TRAPPC9: variants seen among roughly 807,000 people sequenced by gnomAD.
TRAPPC9 encodes the protein trafficking protein particle complex subunit 9.
In TRAPPC9, 83 loss-of-function variants were observed where a neutral mutation model predicts 124.0. The ratio of observed to expected loss-of-function variants is 0.67; its 90% confidence interval spans 0.56 to 0.80. The LOEUF (loss-of-function observed/expected upper bound fraction) is 0.80. TRAPPC9 is among the 30% of genes least tolerant of loss of function. The pLI, the probability that TRAPPC9 is intolerant of heterozygous loss-of-function variation, is 0.00. For missense variants in TRAPPC9, 1,302 were observed against 1,508.3 expected (o/e 0.86, Z 2.27); for synonymous variants, 638 against 617.5 (o/e 1.03, Z -0.49).
rs765656679 is a variant in TRAPPC9, at chr8:140,018,324, A to ATTTTTTCTTTTTTTTTTTTTTTTT, written c.2699+5612_2699+5613insAAAAAAAAAAAAAAAAAGAAAAAA. 1.6e-4 allele frequency among the ~76,000 whole-genome samples: 19 copies of ATTTTTTCTTTTTTTTTTTTTTTTT among 119,778 alleles called. 2 individuals carry two copies. Among genetic ancestry groups the ATTTTTTCTTTTTTTTTTTTTTTTT allele is most frequent in the African/African-American group, 5.5e-4 (17 of 30,668 alleles). The allele number at this position is 119,778 out of a possible 152,430, so 78.6% of individuals were successfully genotyped here. Reference sequence around the variant, plus strand: ...TTGCTGGTATATAGAAACGTAAGTGATTTTTTTTTTTTTTTTTGAGACGGA... The same window carrying ATTTTTTCTTTTTTTTTTTTTTTTT: ...TTGCTGGTATATAGAAACGTAAGTGATTTTTTCTTTTTTTTTTTTTTTTTTTTTTTTTTTTTTTTTTGAGACGGA... On this transcript the variant is annotated intron_variant, in intron 18 of 22. Transcript: ENST00000438773.
intron 18 of TRAPPC9, among the ~76,000 whole-genome samples, chr8:139,996,843 G>A (rs546977500): frequency 6.6e-5 from 10 of 152,184 alleles, no homozygotes; most frequent in Middle Eastern, 3.4e-3. Context: ...AGGTTCAAGC[G>A]ATTCTCCTGC....
chr8:140,193,582 A>G (rs72688826), intron 17 of TRAPPC9, among the ~76,000 whole-genome samples: 19,740 of 144,388 alleles, frequency 0.14, 1,609 homozygotes, highest in Middle Eastern at 0.21. Flanking sequence ...ACACTCTCCC[A>G]CAAAGTTCCA....
chr8:139,973,628 A>C (rs1333149509), intron 19 of TRAPPC9, among the ~76,000 whole-genome samples: 1 of 152,228 alleles, frequency 6.6e-6, no homozygotes, highest in Non-Finnish European at 1.5e-5. Context: ...CGAATGAACA[A>C]AAGTAGTTTC....
At chr8:139,992,884 T>A (rs1837731300) in intron 18 of TRAPPC9, among the ~76,000 whole-genome samples, 1 of 151,824 alleles carries the variant, frequency 6.6e-6, no homozygotes, top group Non-Finnish European at 1.5e-5. Context: ...CTACCTCACA[T>A]CATATATAAA....
chr8:139,885,268 G>A (rs1318515206), intron 21 of TRAPPC9, among the ~76,000 whole-genome samples: 5 of 152,174 alleles, frequency 3.3e-5, no homozygotes, highest in African/African-American at 1.2e-4. Context: ...AGTGTAGGGT[G>A]GAAGTTCCCA....
At chr8:140,250,040 A>G (rs932531585) in intron 16 of TRAPPC9, among the ~76,000 whole-genome samples, 2 of 152,154 alleles carry the variant, frequency 1.3e-5, no homozygotes, top group East Asian at 1.9e-4. Context: ...AATTTCTTCA[A>G]TTGTCCCAAA....
At chr8:140,189,083 C>T (rs556942402) in intron 17 of TRAPPC9, among the ~76,000 whole-genome samples, 4 of 152,310 alleles carry the variant, frequency 2.6e-5, no homozygotes, top group East Asian at 1.9e-4. Context: ...CAACCAAATC[C>T]TTCTCACATC....
chr8:139,740,552 C>T (rs1586738619), intron 21 of TRAPPC9, among the ~76,000 whole-genome samples: 1 of 152,224 alleles, frequency 6.6e-6, no homozygotes, highest in Non-Finnish European at 1.5e-5. Context: ...GGTCAGAGAG[C>T]AGGTGCAGCT....
At chr8:140,407,422 T>C (rs1438760298) in intron 5 of TRAPPC9, among the ~76,000 whole-genome samples, 1 of 122,500 alleles carries the variant, frequency 8.2e-6, no homozygotes, top group Admixed American at 8.8e-5. Flanking sequence ...GGAGAAATGG[T>C]GGGGGGGGGC....
chr8:140,183,836 C>A (rs1268162141), intron 17 of TRAPPC9, among the ~76,000 whole-genome samples: 1 of 135,752 alleles, frequency 7.4e-6, no homozygotes, highest in Admixed American at 7.9e-5. Flanking sequence ...GCCTGAGTGA[C>A]AGAATGAGAC....
At chr8:140,348,895 GA>G (rs1258912554) in intron 9 of TRAPPC9, among the ~76,000 whole-genome samples, 10 of 152,130 alleles carry the variant, frequency 6.6e-5, no homozygotes, top group Admixed American at 6.5e-4. Flanking sequence ...CAGCACACGG[GA>G]ATCAGAAGTG....
intron 18 of TRAPPC9, among the ~76,000 whole-genome samples, chr8:139,990,142 T>C (rs371894852): frequency 1.2e-4 from 18 of 152,074 alleles, no homozygotes; most frequent in East Asian, 3.9e-4. Context: ...TTTCTCCAAG[T>C]GGGAGGCAAG....
At chr8:140,289,172 ATAGTGTGTGTGTGTGT>A (rs1196886756) in intron 12 of TRAPPC9, among the ~76,000 whole-genome samples, 2 of 122,054 alleles carry the variant, frequency 1.6e-5, no homozygotes, top group African/African-American at 6.8e-5. Flanking sequence ...AGATATATAT[ATAGTGTGTGTGTGTGT>A]GTGTGTGTGT....
intron 21 of TRAPPC9, among the ~76,000 whole-genome samples, chr8:139,808,697 A>T (rs1824230222): frequency 1.3e-5 from 2 of 152,174 alleles, no homozygotes; most frequent in African/African-American, 4.8e-5. Flanking sequence ...TGTATCATAT[A>T]AACAGATTTG....
intron 7 of TRAPPC9, among the ~76,000 whole-genome samples, chr8:140,387,435 G>A (rs988731667): frequency 6.6e-6 from 1 of 152,098 alleles, no homozygotes; most frequent in Non-Finnish European, 1.5e-5. Flanking sequence ...GAGTGAACAG[G>A]CAACCTACAG....
At chr8:139,879,401 T>C (rs1387296923) in intron 21 of TRAPPC9, among the ~76,000 whole-genome samples, 1 of 152,174 alleles carries the variant, frequency 6.6e-6, no homozygotes, top group Non-Finnish European at 1.5e-5. Flanking sequence ...GACGTGGTCA[T>C]AGTGAGGGGC....
At chr8:140,134,104 A>C (rs887425929) in intron 17 of TRAPPC9, among the ~76,000 whole-genome samples, 1 of 152,234 alleles carries the variant, frequency 6.6e-6, no homozygotes, top group Non-Finnish European at 1.5e-5. Context: ...ATTGAAAAAA[A>C]GAACAAAGTT....
chr8:139,895,026 A>G (rs1006041195), intron 20 of TRAPPC9, among the ~76,000 whole-genome samples: 1 of 152,200 alleles, frequency 6.6e-6, no homozygotes, highest in African/African-American at 2.4e-5. Context: ...ACTCTTACTC[A>G]GGGAAAGAAC....
chr8:140,408,802 GA>G (rs34569283), intron 5 of TRAPPC9, among the ~76,000 whole-genome samples: 57,897 of 125,372 alleles, frequency 0.46, 13,868 homozygotes, highest in East Asian at 0.94. Context: ...TGGCCATTTG[GA>G]AAAAAAAAAA....
Sources: gnomAD v4.1 joint callset for allele counts (sites outside exome capture counted in the v4.1 genomes callset) on GRCh38, gnomAD v4.1.1 for gene constraint, MANE v1.5 for transcripts, NCBI Gene and HGNC (gene_info 2026-07-23, HGNC 2026-07-21) for gene names.